The following NLRP7 variants were observed in gnomAD, a reference collection of about 807,000 sequenced individuals.
NLRP7 encodes the protein NACHT, LRR and PYD domains-containing protein 7.
Under a neutral mutation model 85.5 loss-of-function variants are expected in NLRP7, and 72 were observed. That is an observed-to-expected ratio of 0.84 (90% CI 0.70 to 1.02). The LOEUF (loss-of-function observed/expected upper bound fraction) is 1.02. Among genes scored for constraint, NLRP7 ranks in the 50% least tolerant of loss-of-function variants. The pLI is 0.00. For missense variants in NLRP7, 1,243 were observed against 1,219.5 expected, an observed-to-expected ratio of 1.02 and a Z score of -0.29; for synonymous variants, 550 against 505.2, an observed-to-expected ratio of 1.09 and a Z score of -1.19.
chr19:54,944,419 G>C (rs1409185411), intron 1 of NLRP7, among the ~76,000 whole-genome samples: 3 of 152,046 alleles, frequency 2.0e-5, no homozygotes, highest in African/African-American at 7.2e-5. Context: ...ACAGACATTT[G>C]CTCACATGTT....
intron 5 of NLRP7, among the ~76,000 whole-genome samples, chr19:54,937,038 G>A (rs1167137375): frequency 2.0e-5 from 3 of 151,884 alleles, no homozygotes; most frequent in African/African-American, 4.8e-5. Flanking sequence ...CTAACACGGT[G>A]AAACCCCGTC....
At chr19:54,941,679 C>T in exon 2 of NLRP7, 1 of 1,613,484 alleles carries the variant, frequency 6.2e-7, no homozygotes, top group Non-Finnish European at 8.5e-7. Flanking sequence ...CCAGAAGGGT[C>T]TGCAGAGTCC....
chr19:54,943,147 CA>C (rs34287816), intron 1 of NLRP7, among the ~76,000 whole-genome samples: 30 of 139,544 alleles, frequency 2.1e-4, no homozygotes, highest in East Asian at 4.3e-4. Context: ...AACTCTATCT[CA>C]AAAAAAAAAA....
chr19:54,963,856 A>G (rs899082269), intron 1 of NLRP7, among the ~76,000 whole-genome samples: 30 of 149,500 alleles, frequency 2.0e-4, no homozygotes, highest in African/African-American at 6.1e-4. Context: ...ACAAAGAAAC[A>G]TGAAAAAAAG....
intron 9 of NLRP7, among the ~76,000 whole-genome samples, chr19:54,929,028 C>T (rs1303133745): frequency 6.6e-6 from 1 of 152,092 alleles, no homozygotes; most frequent in South Asian, 2.1e-4. Context: ...ATAAAGGTAT[C>T]ACGGTCTGGC....
At chr19:54,941,075 A>G (rs2069200071) in intron 2 of NLRP7, 70 bp from the exon 3 acceptor site, 10 of 1,185,542 alleles carry the variant, frequency 8.4e-6, no homozygotes, top group Non-Finnish European at 1.1e-5. Context: ...ATTGTACATA[A>G]AGTGTCAGCC....
At chr19:54,961,703 G>A (rs2070048010) in intron 1 of NLRP7, among the ~76,000 whole-genome samples, 1 of 149,348 alleles carries the variant, frequency 6.7e-6, no homozygotes. Flanking sequence ...GCAGGTGCCT[G>A]TAGGAGGCTG....
exon 4 of NLRP7, chr19:54,940,159 G>C (rs1482581207): frequency 6.2e-7 from 1 of 1,614,208 alleles, no homozygotes; most frequent in South Asian, 1.1e-5. Context: ...CAAAACTGCA[G>C]GGGCCCATGC....
Position 54,934,716 on chromosome 19 carries a change from C to G in NLRP7, c.2301-57G>C. 1.8e-6 allele frequency: 2 copies of G among 1,129,386 alleles called. No individual in the cohort carries two copies. Among genetic ancestry groups the G allele is most frequent in the Admixed American group, 2.9e-5 (1 of 34,630 alleles). The allele number at this position is 1,129,386 out of a possible 1,614,324, so 70.0% of individuals were successfully genotyped here. On this transcript the variant is annotated intron_variant, in intron 6 of 9. Transcript: ENST00000340844. The surrounding 1 kb of genome is among the most constrained non-coding windows in gnomAD (Gnocchi z 6.7). Reference sequence around the variant, plus strand: ...GGGAGGACAGAGTATACCCTATCAGCTTTTTTTTTTTGAGACAGAGTTTCA... The same window carrying G: ...GGGAGGACAGAGTATACCCTATCAGGTTTTTTTTTTTGAGACAGAGTTTCA...
At chr19:54,956,212 G>C (rs1217078873) in intron 1 of NLRP7, among the ~76,000 whole-genome samples, 3 of 152,018 alleles carry the variant, frequency 2.0e-5, no homozygotes, top group Non-Finnish European at 4.4e-5. Context: ...AGGAAGGAAG[G>C]AAGGAAGTCA....
At chr19:54,962,437 T>C (rs1010156033) in intron 1 of NLRP7, among the ~76,000 whole-genome samples, 3 of 150,668 alleles carry the variant, frequency 2.0e-5, no homozygotes, top group African/African-American at 7.3e-5. Context: ...CTGGCTAATT[T>C]TTTGTGTATT....
rs1320437647 is a variant in NLRP7, at chr19:54,934,848, T to C, written c.2301-189A>G. Among the ~76,000 whole-genome samples, 3 of 152,078 alleles carry C rather than the reference T, an allele frequency of 2.0e-5. No individual in the cohort carries two copies. Among genetic ancestry groups the C allele is most frequent in the Admixed American group, 2.0e-4 (3 of 15,254 alleles). The stretch of plus-strand genomic sequence containing the variant: ...CCTCAGCCTCCGAAGTAGCTGGGAT[T>C]ACAGGCATTCGCCAATTTTTGTATT... On this transcript the variant is annotated intron_variant, in intron 6 of 9. Transcript: ENST00000340844. This position sits in a 1 kb window ranked among gnomAD's most constrained non-coding sequence, Gnocchi z 6.7.
Position 54,954,639 on chromosome 19 carries a change from G to T in NLRP7, c.-76-7134C>A, listed in dbSNP as rs185339066. ...GCGGGCATATCACCTGAGCTCAGGA[G>T]GTCAAGATCAGCCTGGCCAACATGG... On this transcript the variant is annotated intron_variant, in intron 1 of 2. Transcript: ENST00000587103. Among the ~76,000 whole-genome samples, 15 of 151,980 alleles carry T rather than the reference G, an allele frequency of 9.9e-5. No individual in the cohort carries two copies. In the East Asian group the frequency reaches 2.7e-3, roughly 28 times the overall value.
chr19:54,927,737 T>C (rs758308664), intron 9 of NLRP7: 2 of 1,614,098 alleles, frequency 1.2e-6, no homozygotes, highest in South Asian at 1.1e-5. Flanking sequence ...AGATCCAAGA[T>C]GCTGACAATA....
chr19:54,933,434 C>G, intron 8 of NLRP7, 135 bp downstream of exon 8: 1 of 1,135,584 alleles, frequency 8.8e-7, no homozygotes, highest in Non-Finnish European at 1.3e-6. Flanking sequence ...CATGAGCCAC[C>G]ACGCCTGGCC....
At position 54,934,540 on chromosome 19, in the gene NLRP7, A is replaced by C. The variant is rs371671539; in HGVS notation, c.2420T>G (p.Met807Arg). ...GCGTGTCATGGTCTTGTACAGCAAC[A>C]TGGCACCCTCATCCAGGAGCACATT... Residue 807 changes from methionine to arginine, a missense_variant, in exon 7 of 10, where the codon ATG becomes AGG. Physicochemically the swap from Met to Arg is moderately conservative, Grantham distance 91 (BLOSUM62 -1). Transcript: ENST00000340844. This position sits in a 1 kb window ranked among gnomAD's most constrained non-coding sequence, Gnocchi z 6.7. 49 of 1,614,174 alleles carry C rather than the reference A, an allele frequency of 3.0e-5. No individual in the cohort carries two copies. The South Asian group carries it at 4.5e-4, about 15-fold the overall frequency.
intron 1 of NLRP7, among the ~76,000 whole-genome samples, chr19:54,962,163 CAAA>C (rs113089944): frequency 4.7e-5 from 5 of 106,922 alleles, no homozygotes; most frequent in Admixed American, 2.1e-4. Context: ...AACTCCATCT[CAAA>C]AAAAAAAAAA....
chr19:54,949,706 G>A (rs1164862374), upstream of NLRP7, among the ~76,000 whole-genome samples: 1 of 152,122 alleles, frequency 6.6e-6, no homozygotes, highest in Non-Finnish European at 1.5e-5. Context: ...GCTCCAAGTG[G>A]CCTCCAGGGA....
chr19:54,956,927 TCC>T (rs2069876446), intron 1 of NLRP7, among the ~76,000 whole-genome samples: 1 of 151,436 alleles, frequency 6.6e-6, no homozygotes, highest in African/African-American at 2.4e-5. Context: ...CAGCAACTTT[TCC>T]CCCTTTTATC....
Sources: gnomAD v4.1 joint callset for allele counts (sites outside exome capture counted in the v4.1 genomes callset) on GRCh38, gnomAD v4.1.1 for gene constraint, Gnocchi (gnomAD v3.1) non-coding constraint, MANE v1.5 for transcripts, NCBI Gene and HGNC (gene_info 2026-07-23, HGNC 2026-07-21) for gene names.